The following LETM1 variants were observed in gnomAD, a reference collection of about 807,000 sequenced individuals.
The protein encoded by LETM1 is leucine zipper and EF-hand containing transmembrane protein 1, also known as mitochondrial proton/calcium exchanger protein.
Under a neutral mutation model 74.5 loss-of-function variants are expected in LETM1, and 50 were observed. That is an observed-to-expected ratio of 0.67 (90% CI 0.53 to 0.85). The LOEUF is 0.85. LETM1 is among the 40% of genes least tolerant of loss of function. The probability of loss-of-function intolerance (pLI) is 0.00; values close to 1 mark genes in which losing one functional copy is unlikely to be tolerated. For synonymous variants in LETM1, 446 were observed against 407.1 expected, an observed-to-expected ratio of 1.10 and a Z score of -1.15; for missense variants, 824 against 967.8, an observed-to-expected ratio of 0.85 and a Z score of 1.97.
intron 2 of LETM1, chr4:1,842,942 G>A (rs1712754835): frequency 3.5e-6 from 1 of 289,652 alleles, no homozygotes; most frequent in Admixed American, 4.4e-5. Flanking sequence ...TGCGTGTCTT[G>A]CCTGGCACAC....
Position 1,835,001 on chromosome 4 carries a change from C to A in LETM1, c.739-19G>T, listed in dbSNP as rs972502859. 3.0e-5 allele frequency: 48 copies of A among 1,611,480 alleles called. No homozygotes were observed. Among genetic ancestry groups the A allele is most frequent in the Non-Finnish European group, 3.6e-5 (43 of 1,178,668 alleles). Reference sequence around the variant, plus strand: ...TCTCCTCCTGCAAGGGCAGAGAGGGCACTGCATTCCAACTGCTCAGACTGT... The same window carrying A: ...TCTCCTCCTGCAAGGGCAGAGAGGGAACTGCATTCCAACTGCTCAGACTGT... On this transcript the variant is annotated intron_variant, in intron 4 of 13. Coordinates refer to ENST00000302787, the MANE Select transcript of LETM1 (RefSeq NM_012318.3).
At chr4:1,814,672 C>T (rs1396314408) in intron 13 of LETM1, 99 bp from the exon 14 acceptor site, 9 of 984,856 alleles carry the variant, frequency 9.1e-6, no homozygotes, top group South Asian at 1.4e-5. Context: ...GCTGGGGTGG[C>T]AGCAGCATGC....
At chr4:1,839,697 C>G (rs1233207025) in intron 3 of LETM1, among the ~76,000 whole-genome samples, 1 of 152,202 alleles carries the variant, frequency 6.6e-6, no homozygotes, top group Non-Finnish European at 1.5e-5. Context: ...AGGCAGGTCA[C>G]TAATCTTCCC....
At chr4:1,838,991 T>G (rs1712583872) in intron 3 of LETM1, among the ~76,000 whole-genome samples, 1 of 152,192 alleles carries the variant, frequency 6.6e-6, no homozygotes, top group African/African-American at 2.4e-5. Context: ...ATAAACTAAT[T>G]GAGCTTCTAG....
chr4:1,817,334 A>G (rs963380386), intron 11 of LETM1, among the ~76,000 whole-genome samples: 3 of 151,824 alleles, frequency 2.0e-5, no homozygotes, highest in Non-Finnish European at 2.9e-5. Context: ...AGGCAGGAGG[A>G]TCACTTGAGG....
intron 4 of LETM1, 41 bp from the exon 5 acceptor site, chr4:1,835,023 C>T (rs200053796): frequency 1.2e-4 from 199 of 1,596,964 alleles, no homozygotes; most frequent in Non-Finnish European, 1.4e-4. Context: ...ACTGCTCAGA[C>T]TGTGGTTCGG....
intron 6 of LETM1, among the ~76,000 whole-genome samples, chr4:1,828,221 G>T (rs1221447747): frequency 2.9e-5 from 4 of 139,416 alleles, no homozygotes; most frequent in Non-Finnish European, 4.8e-5. Flanking sequence ...GCCGGGCGGG[G>T]GGGGCTGACC....
Position 1,834,694 on chromosome 4 carries a change from C to T in LETM1, c.876+151G>A, listed in dbSNP as rs1712401198. 4.1e-6 allele frequency: 6 copies of T among 1,477,854 alleles called. No homozygotes were observed. Among genetic ancestry groups the T allele is most frequent in the Admixed American group, 2.4e-5 (1 of 41,100 alleles). The allele number at this position is 1,477,854 out of a possible 1,614,324, so 91.5% of individuals were successfully genotyped here. A position where few individuals can be genotyped will look rare whatever the true frequency, so the allele number is the denominator to read the frequency against. ...CTCGTGGGGGCAGACTCCTGACACTCCACTGGCCCCCGACTGAGCCTCCTG... is the reference window on the plus strand; with the variant it reads ...CTCGTGGGGGCAGACTCCTGACACTTCACTGGCCCCCGACTGAGCCTCCTG... On this transcript the variant is annotated intron_variant, in intron 5 of 13. Transcript: ENST00000302787. The surrounding 1 kb of genome is among the most constrained non-coding windows in gnomAD (Gnocchi z 5.0).
intron 12 of LETM1, 59 bp from the exon 13 acceptor site, chr4:1,815,861 C>A (rs1181454975): frequency 3.8e-6 from 6 of 1,591,886 alleles, no homozygotes; most frequent in South Asian, 1.1e-5. Flanking sequence ...CAGGGCCTCA[C>A]TGCCCACACC....
intron 1 of LETM1, among the ~76,000 whole-genome samples, chr4:1,849,495 C>T (rs1405844058): frequency 2.0e-5 from 3 of 151,990 alleles, no homozygotes; most frequent in Non-Finnish European, 4.4e-5. Flanking sequence ...CTCAAACTGC[C>T]GACCTCAGGT....
In LETM1 at chr4:1,832,946, A is replaced by G; in HGVS notation, c.878T>C (p.Ile293Thr). The change falls in exon 6 of 14, where the codon ATC becomes ACC. Residue 293 changes from isoleucine (I) to threonine (T), a missense_variant and splice_region_variant. By Grantham distance (89) the Ile-to-Thr change is moderately conservative. This residue lies in a region of LETM1 where 269 missense variants were observed against 348.8 expected (regional missense o/e 0.77). Transcript: ENST00000302787. The stretch of plus-strand genomic sequence containing the variant: ...GCTGGGCCTCTCCCCTGTTTCCCGG[A>G]TCTGCGGAAGTGGTCACAAGGGTCA... ...TKDFSVFFQK[I>T]RETGERPSNE... 6.2e-7 allele frequency: 1 copy of G among 1,612,062 alleles called. No individual in the cohort carries two copies. Among genetic ancestry groups the G allele is most frequent in the South Asian group, 1.1e-5 (1 of 90,988 alleles).
chr4:1,834,975 C>T lies in LETM1; in HGVS notation c.746G>A (p.Arg249Lys). Residue 249 changes from arginine (R) to lysine (K), a missense_variant, in exon 5 of 14, where the codon AGG becomes AAG. Transcript: ENST00000302787. The surrounding 1 kb of genome is among the most constrained non-coding windows in gnomAD (Gnocchi z 5.0). ...CTTGACCCGAAGCTCCTTCTTCAGCCTCTCCTCCTGCAAGGGCAGAGAGGG... is the reference window on the plus strand; with the variant it reads ...CTTGACCCGAAGCTCCTTCTTCAGCTTCTCCTCCTGCAAGGGCAGAGAGGG... Reference protein sequence around the residue: ...TFETQSLKEERLKKELRVKLE... With the variant: ...TFETQSLKEEKLKKELRVKLE... 1.2e-6 allele frequency: 2 copies of T among 1,613,984 alleles called. No homozygotes were observed.
intron 11 of LETM1, 137 bp downstream of exon 11, chr4:1,819,201 T>C (rs993135719): frequency 2.4e-6 from 2 of 835,074 alleles, no homozygotes; most frequent in African/African-American, 3.5e-5. Context: ...GGTTTATTTA[T>C]AACGTGCTTT....
intron 13 of LETM1, among the ~76,000 whole-genome samples, chr4:1,815,112 A>C (rs947102915): frequency 1.4e-4 from 21 of 152,202 alleles, no homozygotes; most frequent in Non-Finnish European, 3.1e-4. Flanking sequence ...TGGTGTGCGC[A>C]CTCAGGCTAG....
At position 1,822,270 on chromosome 4, in the gene LETM1, G is replaced by A. The variant is rs771600943; in HGVS notation, c.1519C>T (p.Pro507Ser). ...ATTTCTGGCTGTGGCTCGGTCCCCG[G>A]CCTTTGGGGAGCAGCTACCACACGT... Reference protein sequence around the residue: ...PERVVAAPQRPGTEPQPEMPD... With the variant: ...PERVVAAPQRSGTEPQPEMPD... The change falls in exon 10 of 14, where the codon CCG becomes TCG. Residue 507 changes from proline (P) to serine (S), a missense_variant. Physicochemically the swap from Pro to Ser is moderately conservative, Grantham distance 74 (BLOSUM62 -1). Transcript: ENST00000302787. The A allele has an allele frequency of 1.3e-6, 2 of 1,540,948 alleles. No individual in the cohort carries two copies. The highest frequency in any genetic ancestry group is 1.2e-5 in the South Asian group (1 of 82,154).
In LETM1 at chr4:1,836,555, A is replaced by T. The variant is rs1411376481; in HGVS notation, c.612T>A (p.Ala204=). 1 of 1,613,964 alleles carries T rather than the reference A, an allele frequency of 6.2e-7. No individual in the cohort carries two copies. Among genetic ancestry groups the T allele is most frequent in the African/African-American group, 1.3e-5 (1 of 75,012 alleles). Reference sequence around the variant, plus strand: ...GGAACGGCACCAGGCGGAAGAGGTCAGCGCAGATCCGGAGAAACTGGAAGG... The same window carrying T: ...GGAACGGCACCAGGCGGAAGAGGTCTGCGCAGATCCGGAGAAACTGGAAGG... ...RERRQFLRIC[A]DLFRLVPFLV... The change falls in exon 4 of 14, where the codon GCT becomes GCA. Residue 204 remains alanine, a synonymous_variant. Coordinates refer to ENST00000302787, the MANE Select transcript of LETM1 (RefSeq NM_012318.3). The surrounding 1 kb of genome is among the most constrained non-coding windows in gnomAD (Gnocchi z 5.8).
chr4:1,819,737 C>A (rs570779141), intron 10 of LETM1, among the ~76,000 whole-genome samples: 1 of 152,336 alleles, frequency 6.6e-6, no homozygotes, highest in Non-Finnish European at 1.5e-5. Context: ...TGAAACTTCA[C>A]TACAGTCAAA....
Position 1,827,410 on chromosome 4 carries a change from G to C in LETM1, c.1081-1727C>G, listed in dbSNP as rs1246262433. On this transcript the variant is annotated intron_variant, in intron 6 of 13. Transcript: ENST00000302787. Reference sequence around the variant, plus strand: ...ATAAACAAGTGAACAAAGGTCTCTGGTTTTCCTAGGCAGAGGACCCTGCGG... The same window carrying C: ...ATAAACAAGTGAACAAAGGTCTCTGCTTTTCCTAGGCAGAGGACCCTGCGG... 7.2e-4 allele frequency among the ~76,000 whole-genome samples: 88 copies of C among 122,456 alleles called. 1 individual carries two copies. The highest frequency in any genetic ancestry group is 3.4e-3 in the Admixed American group (40 of 11,738). The allele number at this position is 122,456 out of a possible 152,430, so 80.3% of individuals were successfully genotyped here. A position where few individuals can be genotyped will look rare whatever the true frequency, so the allele number is the denominator to read the frequency against.
rs766975604 is a variant in LETM1 at position 1,822,347 on chromosome 4, C to A, written c.1477-35G>T. 5.6e-6 allele frequency: 8 copies of A among 1,432,924 alleles called. No homozygotes were observed. In the South Asian group the frequency reaches 1.2e-4, roughly 22 times the overall value. 88.8% of individuals were successfully genotyped at this position (1,432,924 alleles called of 1,614,324 possible). On this transcript the variant is annotated intron_variant, in intron 9 of 13. Coordinates refer to ENST00000302787, the MANE Select transcript of LETM1 (RefSeq NM_012318.3). ...AAGGCGACACCAGCCCAGCGCCCGC[C>A]ATCACACAGAAGCAGTCTTCTTGCT...
Sources: allele counts gnomAD v4.1 joint callset (sites outside exome capture counted in the v4.1 genomes callset), GRCh38; gene constraint gnomAD v4.1.1; regional missense constraint gnomAD v4.1.1; non-coding constraint Gnocchi (gnomAD v3.1); transcripts MANE v1.5; gene names NCBI Gene and HGNC (gene_info 2026-07-23, HGNC 2026-07-21).